The following MBOAT1 variants were observed in gnomAD, a reference collection of about 807,000 sequenced individuals.
The protein encoded by MBOAT1 is membrane-bound glycerophospholipid O-acyltransferase 1.
Under a neutral mutation model 64.4 loss-of-function variants are expected in MBOAT1, and 67 were observed. The observed-to-expected ratio is 1.04, with a 90% CI of 0.85 to 1.27. The LOEUF is 1.27. MBOAT1 is among the 50% of genes most tolerant of loss of function. The pLI, the probability that MBOAT1 is intolerant of heterozygous loss-of-function variation, is 0.00. For synonymous variants in MBOAT1, 229 were observed against 218.9 expected, an observed-to-expected ratio of 1.05 and a Z score of -0.41; for missense variants, 563 against 604.6, an observed-to-expected ratio of 0.93 and a Z score of 0.72.
intron 1 of MBOAT1, among the ~76,000 whole-genome samples, chr6:20,184,182 G>C (rs986014688): frequency 1.3e-5 from 2 of 152,186 alleles, no homozygotes; most frequent in Non-Finnish European, 2.9e-5. Flanking sequence ...CAAAGCAAGA[G>C]GGGCAGGAAG....
intron 1 of MBOAT1, among the ~76,000 whole-genome samples, chr6:20,179,802 C>A (rs1762460212): frequency 6.6e-6 from 1 of 152,188 alleles, no homozygotes; most frequent in African/African-American, 2.4e-5. Flanking sequence ...TCCTTTTTCT[C>A]CACAATCTTG....
intron 1 of MBOAT1, among the ~76,000 whole-genome samples, chr6:20,156,525 G>C (rs1233137462): frequency 6.6e-6 from 1 of 152,162 alleles, no homozygotes; most frequent in African/African-American, 2.4e-5. Flanking sequence ...CTAGTAGGAG[G>C]GTTCTAGCAG....
At chr6:20,174,024 G>A (rs1055307054) in intron 1 of MBOAT1, among the ~76,000 whole-genome samples, 1 of 152,148 alleles carries the variant, frequency 6.6e-6, no homozygotes, top group Non-Finnish European at 1.5e-5. Flanking sequence ...AAGACAAAAA[G>A]GATGTGGTAA....
chr6:20,156,034 C>A (rs917201671), intron 1 of MBOAT1, among the ~76,000 whole-genome samples: 3 of 151,862 alleles, frequency 2.0e-5, no homozygotes, highest in Non-Finnish European at 4.4e-5. Context: ...TTTGGGAGGC[C>A]GAGGCGGGCA....
At chr6:20,206,801 C>T (rs963670586) in intron 1 of MBOAT1, among the ~76,000 whole-genome samples, 2 of 152,158 alleles carry the variant, frequency 1.3e-5, no homozygotes, top group African/African-American at 4.8e-5. Context: ...CTACACTCAA[C>T]AGACTTTCAC....
At chr6:20,143,135 C>A (rs1761226074) in intron 4 of MBOAT1, among the ~76,000 whole-genome samples, 1 of 152,192 alleles carries the variant, frequency 6.6e-6, no homozygotes, top group Admixed American at 6.5e-5. Context: ...CCTCAGGCTG[C>A]CTGCAGAGAA....
chr6:20,171,382 T>TAAAA (rs34821586), intron 1 of MBOAT1, among the ~76,000 whole-genome samples: 1 of 113,308 alleles, frequency 8.8e-6, no homozygotes, highest in Non-Finnish European at 1.8e-5. Context: ...ACAAAAAACT[T>TAAAA]AAAAAAAAAA....
intron 12 of MBOAT1, 110 bp downstream of exon 12, chr6:20,109,488 C>T: frequency 3.0e-6 from 4 of 1,330,092 alleles, no homozygotes; most frequent in Non-Finnish European, 4.1e-6. Flanking sequence ...ACACTGAAGC[C>T]CCAGTTAGAA....
At position 20,124,568 on chromosome 6, in the gene MBOAT1, C is replaced by G; in HGVS notation, c.747G>C (p.Leu249Phe). ...GAVIHKLGIT[L>F]VSLLLFLTLT... ...GCGTCAAAAACAAAAGGAGAGACAC[C>G]AAGGTGATGCCCAACTTGTGTATCA... Residue 249 changes from leucine to phenylalanine, a missense_variant, in exon 8 of 13, where the codon TTG (leucine) becomes TTC (phenylalanine). Coordinates refer to ENST00000324607, the MANE Select transcript of MBOAT1 (RefSeq NM_001080480.3). 1 of 1,614,140 alleles carries G rather than the reference C, an allele frequency of 6.2e-7. No individual in the cohort carries two copies. The highest frequency in any genetic ancestry group is 8.5e-7 in the Non-Finnish European group (1 of 1,180,014).
chr6:20,108,673 A>G (rs1489684195), intron 12 of MBOAT1, among the ~76,000 whole-genome samples: 2 of 152,260 alleles, frequency 1.3e-5, no homozygotes, highest in East Asian at 3.8e-4. Flanking sequence ...AAAAAATGAT[A>G]CGATGTTCCA....
chr6:20,196,381 T>A (rs1195249536), intron 1 of MBOAT1, among the ~76,000 whole-genome samples: 2 of 152,104 alleles, frequency 1.3e-5, no homozygotes, highest in South Asian at 4.1e-4. Flanking sequence ...TTATATTAAA[T>A]GTCCAGGAGA....
intron 4 of MBOAT1, among the ~76,000 whole-genome samples, chr6:20,143,857 C>CA (rs1761250588): frequency 6.6e-6 from 1 of 152,132 alleles, no homozygotes; most frequent in South Asian, 2.1e-4. Context: ...GTAAATATTC[C>CA]AGGCTTTGCA....
chr6:20,114,099 T>A (rs1024458586), intron 10 of MBOAT1, among the ~76,000 whole-genome samples: 1 of 152,202 alleles, frequency 6.6e-6, no homozygotes, highest in Non-Finnish European at 1.5e-5. Flanking sequence ...TTAATAGCAA[T>A]AATGTTGAGG....
intron 1 of MBOAT1, among the ~76,000 whole-genome samples, chr6:20,183,345 G>A (rs182179052): frequency 1.5e-4 from 23 of 152,326 alleles, no homozygotes; most frequent in Admixed American, 1.4e-3. Flanking sequence ...GTGAGCAGGT[G>A]CCACAACCAG....
chr6:20,144,274 T>G lies in MBOAT1; in HGVS notation c.365A>C (p.His122Pro). The change falls in exon 4 of 13, where the codon CAC becomes CCC. Residue 122 changes from histidine to proline, a missense_variant. Physicochemically the swap from His to Pro is moderately conservative, Grantham distance 77. Coordinates refer to ENST00000324607, the MANE Select transcript of MBOAT1 (RefSeq NM_001080480.3). Reference protein sequence around the residue: ...FVAMGYLTICHISRIYIFHYG... With the variant: ...FVAMGYLTICPISRIYIFHYG... ...GTGGAAGATGTATATTCGGCTGATGTGGCATATTGTAAGATATCCCATTGC... is the reference window on the plus strand; with the variant it reads ...GTGGAAGATGTATATTCGGCTGATGGGGCATATTGTAAGATATCCCATTGC... The G allele has an allele frequency of 6.2e-7, 1 of 1,613,120 alleles. No individual in the cohort carries two copies. Among genetic ancestry groups the G allele is most frequent in the Non-Finnish European group, 8.5e-7 (1 of 1,179,422 alleles).
intron 1 of MBOAT1, among the ~76,000 whole-genome samples, chr6:20,171,705 T>G (rs1227878168): frequency 1.3e-5 from 2 of 151,940 alleles, no homozygotes; most frequent in East Asian, 3.9e-4. Context: ...CCCAGCAGTA[T>G]CACTGAAAGC....
intron 1 of MBOAT1, among the ~76,000 whole-genome samples, chr6:20,208,795 T>C (rs1310179213): frequency 2.6e-5 from 4 of 152,182 alleles, no homozygotes; most frequent in African/African-American, 7.2e-5. Context: ...ACCCCAAAAA[T>C]GCTTTGCTGG....
At chr6:20,203,988 T>TTGC (rs1238883598) in intron 1 of MBOAT1, among the ~76,000 whole-genome samples, 7 of 152,238 alleles carry the variant, frequency 4.6e-5, no homozygotes, top group Non-Finnish European at 8.8e-5. Context: ...CAGCTCAGCC[T>TTGC]TGCTGTTTTA....
chr6:20,133,683 G>A (rs1016590908), intron 4 of MBOAT1, among the ~76,000 whole-genome samples: 7 of 152,146 alleles, frequency 4.6e-5, no homozygotes, highest in Non-Finnish European at 8.8e-5. Context: ...GAGATAAGAC[G>A]TGTCATGGTA....
Sources: gnomAD v4.1 joint callset for allele counts (sites outside exome capture counted in the v4.1 genomes callset) on GRCh38, gnomAD v4.1.1 for gene constraint, MANE v1.5 for transcripts, NCBI Gene and HGNC (gene_info 2026-07-23, HGNC 2026-07-21) for gene names.